GARRE1: variants seen among roughly 807,000 people sequenced by gnomAD.
GARRE1 encodes the protein granule associated Rac and RHOG effector protein 1.
Under a neutral mutation model 103.2 loss-of-function variants are expected in GARRE1, and 49 were observed. That is an observed-to-expected ratio of 0.47 (90% CI 0.38 to 0.60). The LOEUF (loss-of-function observed/expected upper bound fraction) is 0.60, where lower values mean the gene tolerates loss of function less well. Ranked by LOEUF, GARRE1 falls within the 20% of genes least tolerant of loss-of-function variation. GARRE1 has a pLI of 0.00. For missense variants in GARRE1, 1,199 were observed against 1,370.5 expected, an observed-to-expected ratio of 0.87 and a Z score of 1.98; for synonymous variants, 505 against 532.8, an observed-to-expected ratio of 0.95 and a Z score of 0.72.
intron 1 of GARRE1, among the ~76,000 whole-genome samples, chr19:34,271,864 G>A (rs1196023842): frequency 6.6e-6 from 1 of 151,968 alleles, no homozygotes; most frequent in East Asian, 1.9e-4. Flanking sequence ...AAAAAACTAG[G>A]GCCTGAGCCT....
Position 34,342,057 on chromosome 19 carries a change from A to T in GARRE1, c.2123A>T (p.His708Leu). ...CCACGGGCACCCCAGGCTGGGGCACACACACCTCTGACACCCCAGCCGGGA... is the reference window on the plus strand; with the variant it reads ...CCACGGGCACCCCAGGCTGGGGCACTCACACCTCTGACACCCCAGCCGGGA... ...PPPRAPQAGA[H>L]TPLTPQPGLA... The change falls in exon 10 of 14, where the codon CAC becomes CTC. Residue 708 changes from histidine (H) to leucine (L), a missense_variant. His to Leu is a moderately conservative substitution (Grantham distance 99). Transcript: ENST00000299505. 1 of 1,614,124 alleles carries T rather than the reference A, an allele frequency of 6.2e-7. No homozygotes were observed. Among genetic ancestry groups the T allele is most frequent in the Non-Finnish European group, 8.5e-7 (1 of 1,180,028 alleles).
At chr19:34,349,212 G>T in intron 12 of GARRE1, 59 bp downstream of exon 12, 2 of 1,570,236 alleles carry the variant, frequency 1.3e-6, no homozygotes. Flanking sequence ...GCAACCCATG[G>T]CTCACTCCCT....
At chr19:34,323,023 CTTTT>C (rs71165649) in intron 3 of GARRE1, among the ~76,000 whole-genome samples, 36 of 66,690 alleles carry the variant, frequency 5.4e-4, no homozygotes, top group African/African-American at 1.5e-3. Flanking sequence ...TATTTCTTTT[CTTTT>C]TTTTTTTTTT....
chr19:34,324,312 C>T (rs2074102207), intron 3 of GARRE1, among the ~76,000 whole-genome samples: 1 of 152,116 alleles, frequency 6.6e-6, no homozygotes, highest in Non-Finnish European at 1.5e-5. Flanking sequence ...TTTTACTGCA[C>T]CTTGTGGCTC....
intron 1 of GARRE1, among the ~76,000 whole-genome samples, chr19:34,257,147 T>C (rs538875300): frequency 1.6e-5 from 2 of 127,192 alleles, no homozygotes; most frequent in South Asian, 5.5e-4. Context: ...TGGAAGACCA[T>C]GTTTTAAGCA....
intron 1 of GARRE1, among the ~76,000 whole-genome samples, chr19:34,266,651 G>T (rs1267881077): frequency 2.6e-5 from 4 of 152,048 alleles, no homozygotes; most frequent in African/African-American, 9.7e-5. Context: ...GCAACTTTCT[G>T]GTCTTTTTGA....
At chr19:34,282,651 A>G (rs1050756021) in intron 1 of GARRE1, among the ~76,000 whole-genome samples, 3 of 152,144 alleles carry the variant, frequency 2.0e-5, no homozygotes, top group Admixed American at 6.5e-5. Flanking sequence ...GGTTGTTCAT[A>G]TAGGTAATTT....
chr19:34,295,235 G>A (rs2073940994), intron 1 of GARRE1, among the ~76,000 whole-genome samples: 1 of 152,156 alleles, frequency 6.6e-6, no homozygotes. Context: ...AGGCTATTAT[G>A]GAGCTGGAGA....
intron 1 of GARRE1, among the ~76,000 whole-genome samples, chr19:34,298,903 A>C (rs1245935051): frequency 6.6e-6 from 1 of 152,074 alleles, no homozygotes; most frequent in Admixed American, 6.6e-5. Context: ...CTGCTATTTG[A>C]ACCTATCCAG....
chr19:34,289,907 T>C (rs757480940), intron 1 of GARRE1, among the ~76,000 whole-genome samples: 1 of 152,134 alleles, frequency 6.6e-6, no homozygotes, highest in Non-Finnish European at 1.5e-5. Flanking sequence ...TTTTAATATA[T>C]AAATTGAAGG....
intron 7 of GARRE1, 23 bp from the exon 8 acceptor site, chr19:34,333,681 T>TTG: frequency 1.7e-6 from 2 of 1,193,074 alleles, no homozygotes; most frequent in Non-Finnish European, 2.4e-6. Context: ...TTATTTGTTT[T>TTG]TTTTTTTTTT....
At chr19:34,346,313 G>C (rs1222880627) in intron 10 of GARRE1, among the ~76,000 whole-genome samples, 4 of 151,938 alleles carry the variant, frequency 2.6e-5, no homozygotes, top group Admixed American at 6.6e-5. Context: ...TCTCCCATTT[G>C]TACTGCCCTG....
chr19:34,333,726 T>A lies in GARRE1; in HGVS notation c.1286T>A (p.Ile429Asn). Residue 429 changes from isoleucine to asparagine, a missense_variant, in exon 8 of 14, where the codon ATT (isoleucine) becomes AAT (asparagine). Coordinates refer to ENST00000299505, the MANE Select transcript of GARRE1 (RefSeq NM_014686.5). ...TAGGTGGTGGTTGACACAGCACAGA[T>A]TGAGAATAAAGAAGCCTATGCCCCC... ...AGLVVVDTAQIENKEAYAPQI... is the reference protein window; with the variant it reads ...AGLVVVDTAQNENKEAYAPQI... 1.3e-6 allele frequency: 2 copies of A among 1,540,194 alleles called. No homozygotes were observed. The highest frequency in any genetic ancestry group is 1.8e-6 in the Non-Finnish European group (2 of 1,116,950).
chr19:34,315,869 T>G (rs1174756225), intron 2 of GARRE1, among the ~76,000 whole-genome samples: 1 of 152,158 alleles, frequency 6.6e-6, no homozygotes, highest in Non-Finnish European at 1.5e-5. Context: ...GCAGCAGATG[T>G]TGTGTGTGTG....
rs1358270497 is a variant in GARRE1 at position 34,285,355 on chromosome 19, C to T, written c.-795-14324C>T. On this transcript the variant is annotated intron_variant, in intron 1 of 13. Coordinates refer to ENST00000299505, the MANE Select transcript of GARRE1 (RefSeq NM_014686.5). ...GATAGAACTCGGGCAGGCATGATGG[C>T]TCATGGCTGTAATCCCAACACTTTG... The T allele has an allele frequency of 2.0e-5, 3 of 152,124 alleles. No individual in the cohort carries two copies. In the East Asian group the frequency reaches 5.8e-4, roughly 29 times the overall value. 9.4% of individuals were successfully genotyped at this position (152,124 alleles called of 1,614,324 possible).
intron 10 of GARRE1, among the ~76,000 whole-genome samples, chr19:34,347,456 G>T (rs112172883): frequency 1.1e-4 from 16 of 152,212 alleles, no homozygotes; most frequent in African/African-American, 3.9e-4. Flanking sequence ...CGAACTTCTG[G>T]GCTCAAGCGA....
chr19:34,340,770 G>A (rs747576083), intron 9 of GARRE1, among the ~76,000 whole-genome samples: 4 of 151,962 alleles, frequency 2.6e-5, no homozygotes, highest in Admixed American at 6.6e-5. Flanking sequence ...TGCCTGCCTC[G>A]GCCTCCCAAA....
intron 1 of GARRE1, among the ~76,000 whole-genome samples, chr19:34,276,518 G>C (rs1014146461): frequency 2.0e-5 from 3 of 152,310 alleles, no homozygotes; most frequent in Admixed American, 1.3e-4. Context: ...AAACAGATTT[G>C]TAAAAGTTAA....
intron 1 of GARRE1, among the ~76,000 whole-genome samples, chr19:34,276,908 T>C (rs1182423986): frequency 1.3e-5 from 2 of 152,216 alleles, no homozygotes; most frequent in African/African-American, 2.4e-5. Context: ...AGTGTACATA[T>C]GCAAATAAAA....
Sources: allele counts gnomAD v4.1 joint callset (sites outside exome capture counted in the v4.1 genomes callset), GRCh38; gene constraint gnomAD v4.1.1; transcripts MANE v1.5; gene names NCBI Gene and HGNC (gene_info 2026-07-23, HGNC 2026-07-21).